Variants in CDKN2C observed in about 807,000 individuals in gnomAD.
CDKN2C encodes cyclin dependent kinase inhibitor 2C, also known as cyclin-dependent kinase 4 inhibitor C.
In CDKN2C, 5 loss-of-function variants were observed where a neutral mutation model predicts 11.0. The observed-to-expected ratio is 0.45, with a 90% CI of 0.24 to 0.95. The LOEUF is 0.95. CDKN2C is among the 40% of genes least tolerant of loss of function. CDKN2C has a pLI of 0.21. For missense variants in CDKN2C, 161 were observed against 211.9 expected (o/e 0.76, Z 1.49); for synonymous variants, 79 against 88.3 (o/e 0.89, Z 0.59).
upstream of CDKN2C, chr1:50,970,079 G>GTGTCTCTC: frequency 2.0e-6 from 1 of 498,394 alleles, no homozygotes. Context: ...GTGTGTCTGT[G>GTGTCTCTC]TGTCTCTCTG....
At chr1:50,972,868 T>G (rs571290349) in intron 1 of CDKN2C, among the ~76,000 whole-genome samples, 1 of 152,276 alleles carries the variant, frequency 6.6e-6, no homozygotes, top group South Asian at 2.1e-4. Context: ...AAAAAGGAAC[T>G]AACACAGGAT....
intron 1 of CDKN2C, among the ~76,000 whole-genome samples, chr1:50,963,962 A>G (rs937378854): frequency 1.3e-5 from 2 of 151,874 alleles, no homozygotes; most frequent in Non-Finnish European, 2.9e-5. Flanking sequence ...AAACTTTTAT[A>G]TCATCTTTAT....
chr1:50,970,231 C>T, upstream of CDKN2C: 1 of 1,036,454 alleles, frequency 9.6e-7, no homozygotes, highest in Admixed American at 2.1e-5. Context: ...GTATTTACTA[C>T]CAAGCTCTAC....
In CDKN2C at chr1:50,973,968, A is replaced by G. The variant is rs139629762; in HGVS notation, c.205A>G (p.Thr69Ala). ...TGCTAATCCCGATTTGAAAGACCGA[A>G]CTGGTTTCGCTGTCATTCATGATGC... ...RGANPDLKDR[T>A]GFAVIHDAAR... is the part of the protein sequence containing the mutation. Residue 69 changes from threonine to alanine, a missense_variant, in exon 2 of 2, where the codon ACT becomes GCT. Physicochemically the swap from Thr to Ala is moderately conservative, Grantham distance 58. Transcript: ENST00000371761. 90 of 1,614,214 alleles carry G rather than the reference A, an allele frequency of 5.6e-5. No homozygotes were observed. In the African/African-American group the frequency reaches 7.6e-4, roughly 14 times the overall value.
At chr1:50,965,748 T>A (rs1027642840), upstream of CDKN2C, among the ~76,000 whole-genome samples, 5 of 151,932 alleles carry the variant, frequency 3.3e-5, no homozygotes, top group African/African-American at 1.2e-4. Flanking sequence ...ATAAAAAATT[T>A]TCATAAATAA....
At chr1:50,963,727 A>G (rs1187342051) in intron 1 of CDKN2C, among the ~76,000 whole-genome samples, 5 of 152,114 alleles carry the variant, frequency 3.3e-5, no homozygotes, top group Admixed American at 2.0e-4. Flanking sequence ...GAATTAGGAG[A>G]AAAAAAATCA....
chr1:50,968,238 G>C (rs1471849190), upstream of CDKN2C: 1 of 152,624 alleles, frequency 6.6e-6, no homozygotes, highest in Non-Finnish European at 1.5e-5. Context: ...CGAACTTTGC[G>C]AGCCTGGCGG....
At chr1:50,965,300 C>A (rs1247710126), upstream of CDKN2C, among the ~76,000 whole-genome samples, 2 of 151,860 alleles carry the variant, frequency 1.3e-5, no homozygotes, top group African/African-American at 2.4e-5. Flanking sequence ...GAGATGGAGA[C>A]CATCCTGGCC....
In CDKN2C at chr1:50,973,893, G is replaced by T; in HGVS notation, c.130G>T (p.Val44Phe). The change falls in exon 2 of 2, where the codon GTT becomes TTT. Residue 44 changes from valine (V) to phenylalanine (F), a missense_variant and splice_region_variant. Coordinates refer to ENST00000371761, the MANE Select transcript of CDKN2C (RefSeq NM_078626.3). Reference protein sequence around the residue: ...QNGFGRTALQVMKLGNPEIAR... With the variant: ...QNGFGRTALQFMKLGNPEIAR... ...TCTACCATTTCTACTTCTTTTCCAGGTTATGAAACTTGGAAATCCCGAGAT... is the reference window on the plus strand; with the variant it reads ...TCTACCATTTCTACTTCTTTTCCAGTTTATGAAACTTGGAAATCCCGAGAT... 1 of 1,614,076 alleles carries T rather than the reference G, an allele frequency of 6.2e-7. No homozygotes were observed. The highest frequency in any genetic ancestry group is 8.5e-7 in the Non-Finnish European group (1 of 1,180,018).
chr1:50,965,453 C>T (rs1468400165), upstream of CDKN2C, among the ~76,000 whole-genome samples: 2 of 151,832 alleles, frequency 1.3e-5, no homozygotes, highest in Non-Finnish European at 2.9e-5. Flanking sequence ...GCCGGGATCG[C>T]GCCACTGCAC....
At chr1:50,972,527 G>T (rs997884339) in intron 1 of CDKN2C, among the ~76,000 whole-genome samples, 3 of 152,008 alleles carry the variant, frequency 2.0e-5, no homozygotes, top group Middle Eastern at 6.8e-3. Flanking sequence ...TAAACATTGA[G>T]TGTCTATTAT....
intron 1 of CDKN2C, among the ~76,000 whole-genome samples, chr1:50,973,414 G>A (rs1012052628): frequency 1.3e-5 from 2 of 152,040 alleles, no homozygotes; most frequent in African/African-American, 4.8e-5. Flanking sequence ...TTATTTGTTT[G>A]CAGTAGCTAT....
rs899864243 is a variant in CDKN2C at position 50,974,412 on chromosome 1, T to TA, written c.*143dup. ...TCTGAAACTGCATAAGTGAAAATCT[T>TA]ACAACAGGCTTATGAATATATTTAA... On this transcript the variant is annotated 3_prime_UTR_variant, in exon 2 of 2. Coordinates refer to ENST00000371761, the MANE Select transcript of CDKN2C (RefSeq NM_078626.3). The TA allele has an allele frequency of 1.3e-6, 1 of 752,066 alleles. No individual in the cohort carries two copies. Among genetic ancestry groups the TA allele is most frequent in the African/African-American group, 1.7e-5 (1 of 57,454 alleles). 46.6% of individuals were successfully genotyped at this position (752,066 alleles called of 1,614,324 possible).
chr1:50,973,491 T>C (rs1029561856), intron 1 of CDKN2C, among the ~76,000 whole-genome samples: 5 of 152,222 alleles, frequency 3.3e-5, no homozygotes, highest in Admixed American at 1.3e-4. Context: ...TTTATGAGCA[T>C]GAACAATCAA....
chr1:50,974,186 T>C lies in CDKN2C; in HGVS notation c.423T>C (p.Cys141=). 2 of 1,612,952 alleles carry C rather than the reference T, an allele frequency of 1.2e-6. No homozygotes were observed. Among genetic ancestry groups the C allele is most frequent in the Non-Finnish European group, 1.7e-6 (2 of 1,179,094 alleles). The part of the protein sequence containing the change: ...GHRNHKGDTA[C]DLARLYGRNE... ...GGAACCATAAGGGGGACACCGCCTG[T>C]GATTTGGCCAGGCTCTATGGGAGGA... is the stretch of plus-strand genomic sequence containing the variant. The change falls in exon 2 of 2, where the codon TGT becomes TGC. Residue 141 remains cysteine, a synonymous_variant. Transcript: ENST00000371761.
chr1:50,973,094 AT>A, intron 1 of CDKN2C, among the ~76,000 whole-genome samples: 1 of 152,310 alleles, frequency 6.6e-6, no homozygotes. Flanking sequence ...TACAAGGCAT[AT>A]CAGGAACTTA....
intron 1 of CDKN2C, among the ~76,000 whole-genome samples, chr1:50,965,051 C>T (rs1645341243): frequency 9.4e-6 from 1 of 106,784 alleles, no homozygotes. Flanking sequence ...GATTCAGTCT[C>T]AAAAATATAG....
At chr1:50,970,004 T>A, upstream of CDKN2C, 1 of 407,744 alleles carries the variant, frequency 2.5e-6, no homozygotes, top group Non-Finnish European at 4.5e-6. Flanking sequence ...CACAGAGATC[T>A]GTAGCGTAGG....
At chr1:50,963,734 A>G (rs1645335519) in intron 1 of CDKN2C, among the ~76,000 whole-genome samples, 1 of 152,242 alleles carries the variant, frequency 6.6e-6, no homozygotes, top group African/African-American at 2.4e-5. Context: ...GAGAAAAAAA[A>G]TCATTTTTCA....
Sources: allele counts gnomAD v4.1 joint callset (sites outside exome capture counted in the v4.1 genomes callset), GRCh38; gene constraint gnomAD v4.1.1; transcripts MANE v1.5; gene names NCBI Gene and HGNC (gene_info 2026-07-23, HGNC 2026-07-21).